ZFHX3: variants seen among roughly 807,000 people sequenced by gnomAD.
ZFHX3 encodes zinc finger homeobox protein 3.
In ZFHX3, 42 loss-of-function variants were observed where a neutral mutation model predicts 279.1. The ratio of observed to expected loss-of-function variants is 0.15; its 90% CI spans 0.12 to 0.19. The LOEUF is 0.19. ZFHX3 is among the 10% of genes least tolerant of loss of function. The pLI, the probability that ZFHX3 is intolerant of heterozygous loss-of-function variation, is 1.00. For missense variants in ZFHX3, 4,981 were observed against 4,754.0 expected, an observed-to-expected ratio of 1.05 and a Z score of -1.40; for synonymous variants, 2,293 against 1,957.8, an observed-to-expected ratio of 1.17 and a Z score of -4.52.
chr16:72,970,513 T>C (rs888137288), intron 1 of ZFHX3, among the ~76,000 whole-genome samples: 2 of 152,222 alleles, frequency 1.3e-5, no homozygotes, highest in African/African-American at 2.4e-5. Context: ...TTAATTACCA[T>C]AGAGCACGGA....
chr16:73,205,037 A>G (rs1358710290), intron 5 of ZFHX3, among the ~76,000 whole-genome samples: 1 of 152,096 alleles, frequency 6.6e-6, no homozygotes, highest in Non-Finnish European at 1.5e-5. Context: ...TGCAGTGTTT[A>G]TTGTGGGGTA....
At chr16:72,863,496 TGACAGA>T (rs1392334964) in intron 4 of ZFHX3, among the ~76,000 whole-genome samples, 1 of 150,178 alleles carries the variant, frequency 6.7e-6, no homozygotes, top group Non-Finnish European at 1.5e-5. Context: ...CCAACTTGGG[TGACAGA>T]GACAGAGAGA....
chr16:73,411,475 T>C (rs2017465266), intron 3 of ZFHX3, among the ~76,000 whole-genome samples: 1 of 152,178 alleles, frequency 6.6e-6, no homozygotes, highest in Admixed American at 6.5e-5. Context: ...TATATGATTC[T>C]CTCCACAAAA....
chr16:73,022,832 C>T (rs1335033414), intron 1 of ZFHX3, among the ~76,000 whole-genome samples: 1 of 152,078 alleles, frequency 6.6e-6, no homozygotes, highest in Non-Finnish European at 1.5e-5. Context: ...CCTGTTCTAG[C>T]CAGGTTTTGC....
In ZFHX3 at chr16:72,811,996, G is replaced by A. The variant is rs2036467563; in HGVS notation, c.3572C>T (p.Ala1191Val). ...TGGGAAGGAGATGCGTTTGGAGGTT[G>A]CAGGAGAATCTGTCAGCTCCTTCTC... Reference protein sequence around the residue: ...QAEKELTDSPATSKRISFPGS... With the variant: ...QAEKELTDSPVTSKRISFPGS... Residue 1191 changes from alanine (A) to valine (V), a missense_variant, in exon 6 of 10, where the codon GCA becomes GTA. This residue lies in a region of ZFHX3 where 1,751 missense variants were observed against 1,770.0 expected (regional missense o/e 0.99). Coordinates refer to ENST00000268489, the MANE Select transcript of ZFHX3 (RefSeq NM_006885.4). The A allele has an allele frequency of 1.2e-6, 2 of 1,614,066 alleles. 1 individual carries two copies. Among genetic ancestry groups the A allele is most frequent in the South Asian group, 2.2e-5 (2 of 91,094 alleles).
intron 5 of ZFHX3, among the ~76,000 whole-genome samples, chr16:73,238,904 A>C (rs1258590979): frequency 6.6e-6 from 1 of 152,140 alleles, no homozygotes; most frequent in Non-Finnish European, 1.5e-5. Flanking sequence ...AGACTGTTCC[A>C]GCAAGAAGCA....
chr16:73,193,980 G>A (rs1389100598), intron 5 of ZFHX3, among the ~76,000 whole-genome samples: 2 of 152,154 alleles, frequency 1.3e-5, no homozygotes, highest in African/African-American at 2.4e-5. Flanking sequence ...ATTCGTTTCT[G>A]AAAGACCTCG....
chr16:73,747,484 G>C lies in ZFHX3; in HGVS notation c.-1607-67244C>G, dbSNP rs537886023. Among the ~76,000 whole-genome samples the C allele has an allele frequency of 2.6e-5, 4 of 152,220 alleles. No homozygotes were observed. The South Asian group carries it at 8.3e-4, about 32-fold the overall frequency. The stretch of plus-strand genomic sequence containing the variant: ...AGTGAGCAAGAAATAAATCTTACTT[G>C]GTTAAGTCACTACAATTTCCAAGAT... On this transcript the variant is annotated intron_variant, in intron 1 of 17. Transcript: ENST00000641206.
At chr16:73,851,315 G>A (rs571511421) in intron 1 of ZFHX3, among the ~76,000 whole-genome samples, 4 of 152,146 alleles carry the variant, frequency 2.6e-5, no homozygotes, top group African/African-American at 9.6e-5. Flanking sequence ...GTGTATTTTG[G>A]GACAATTCCA....
intron 7 of ZFHX3, chr16:73,127,480 A>C: frequency 2.3e-6 from 3 of 1,305,446 alleles, no homozygotes; most frequent in Non-Finnish European, 3.0e-6. Context: ...TCGACAGGCA[A>C]GATCACTGGT....
intron 7 of ZFHX3, among the ~76,000 whole-genome samples, chr16:72,806,580 G>A (rs2036273865): frequency 1.3e-5 from 2 of 152,122 alleles, no homozygotes. Context: ...CAAAGTGAGA[G>A]AGCTGGTACC....
intron 4 of ZFHX3, among the ~76,000 whole-genome samples, chr16:73,282,706 G>T (rs1001969109): frequency 1.3e-5 from 2 of 152,204 alleles, no homozygotes; most frequent in African/African-American, 4.8e-5. Flanking sequence ...TTAGCCCTCA[G>T]TTTCTTCTTT....
intron 6 of ZFHX3, among the ~76,000 whole-genome samples, chr16:73,134,255 C>T (rs532106799): frequency 1.3e-5 from 2 of 149,010 alleles, no homozygotes; most frequent in African/African-American, 2.5e-5. Flanking sequence ...CTAGCAGGAT[C>T]GGAACAGACT....
intron 1 of ZFHX3, among the ~76,000 whole-genome samples, chr16:73,794,559 C>T (rs1053786678): frequency 3.9e-5 from 6 of 152,150 alleles, no homozygotes; most frequent in Admixed American, 1.3e-4. Context: ...GCTTTATAAC[C>T]ATGAGGCGAT....
intron 1 of ZFHX3, among the ~76,000 whole-genome samples, chr16:72,993,587 T>C (rs1373183684): frequency 6.6e-6 from 1 of 152,184 alleles, no homozygotes; most frequent in East Asian, 1.9e-4. Context: ...CAACAAGCGA[T>C]GCCCAACAGC....
At chr16:73,804,955 G>GGAGAGAGGGAGAGGAAGGGAGGGAGA (rs1960239052) in intron 1 of ZFHX3, among the ~76,000 whole-genome samples, 1 of 141,552 alleles carries the variant, frequency 7.1e-6, no homozygotes, top group African/African-American at 2.6e-5. Context: ...AGGAAGGGAG[G>GGAGAGAGGGAGAGGAAGGGAGGGAGA]GAGAGAGGGA....
At chr16:73,226,754 A>G (rs2012606084) in intron 5 of ZFHX3, among the ~76,000 whole-genome samples, 1 of 152,190 alleles carries the variant, frequency 6.6e-6, no homozygotes, top group Non-Finnish European at 1.5e-5. Flanking sequence ...TCTCATTGCC[A>G]ATGACATCAG....
intron 1 of ZFHX3, among the ~76,000 whole-genome samples, chr16:73,043,422 C>T (rs1037947484): frequency 2.6e-5 from 4 of 152,284 alleles, no homozygotes; most frequent in Non-Finnish European, 5.9e-5. Flanking sequence ...TTTGCCATCT[C>T]GCAAACTTTC....
intron 3 of ZFHX3, among the ~76,000 whole-genome samples, chr16:72,928,173 G>GGAGC (rs1959575212): frequency 8.4e-5 from 6 of 71,454 alleles, no homozygotes; most frequent in Admixed American, 2.5e-4. Flanking sequence ...AGAGGGAGGG[G>GGAGC]GAGGGGAGAG....
Sources: allele counts gnomAD v4.1 joint callset (sites outside exome capture counted in the v4.1 genomes callset), GRCh38; gene constraint gnomAD v4.1.1; regional missense constraint gnomAD v4.1.1; transcripts MANE v1.5; gene names NCBI Gene and HGNC (gene_info 2026-07-23, HGNC 2026-07-21).